NEDD4L: variants seen among roughly 807,000 people sequenced by gnomAD.
NEDD4L encodes NEDD4 like E3 ubiquitin protein ligase, also known as E3 ubiquitin-protein ligase NEDD4-like.
NEDD4L carries 54 observed loss-of-function variants against 148.9 expected under a neutral mutation model. That is an observed-to-expected ratio of 0.36 (90% CI 0.29 to 0.45). NEDD4L has a LOEUF of 0.45. Among genes scored for constraint, NEDD4L ranks in the 20% least tolerant of loss-of-function variants. The probability of loss-of-function intolerance (pLI) is 1.00; values close to 1 mark genes in which losing one functional copy is unlikely to be tolerated. For missense variants in NEDD4L, 856 were observed against 1,233.8 expected (o/e 0.69, Z 4.59); for synonymous variants, 433 against 440.7 (o/e 0.98, Z 0.22).
chr18:58,276,319 C>T (rs1182274176), intron 5 of NEDD4L, among the ~76,000 whole-genome samples: 1 of 151,762 alleles, frequency 6.6e-6, no homozygotes, highest in African/African-American at 2.4e-5. Context: ...AGTGATTCTC[C>T]TGCCTCAGCC....
intron 5 of NEDD4L, among the ~76,000 whole-genome samples, chr18:58,274,655 T>A (rs1173896971): frequency 6.6e-6 from 1 of 152,224 alleles, no homozygotes; most frequent in Non-Finnish European, 1.5e-5. Context: ...GAAGAGTTCT[T>A]AGCCTAGGCC....
intron 1 of NEDD4L, among the ~76,000 whole-genome samples, chr18:58,121,433 T>G (rs2086233455): frequency 6.7e-6 from 1 of 149,834 alleles, no homozygotes; most frequent in Non-Finnish European, 1.5e-5. Flanking sequence ...CTTTCATTCT[T>G]TTTTTTTTTG....
chr18:58,330,289 C>T (rs190912876), intron 10 of NEDD4L, among the ~76,000 whole-genome samples: 42 of 152,330 alleles, frequency 2.8e-4, no homozygotes, highest in Non-Finnish European at 4.0e-4. Context: ...GCTGCTCCCA[C>T]GGTGAATCCT....
At chr18:58,195,889 T>G (rs1268501021) in intron 2 of NEDD4L, among the ~76,000 whole-genome samples, 1 of 152,190 alleles carries the variant, frequency 6.6e-6, no homozygotes, top group Non-Finnish European at 1.5e-5. Context: ...AAAATGTCCA[T>G]TAGACATTTT....
intron 1 of NEDD4L, among the ~76,000 whole-genome samples, chr18:58,142,697 A>C (rs1308754766): frequency 6.6e-6 from 1 of 152,188 alleles, no homozygotes; most frequent in Non-Finnish European, 1.5e-5. Context: ...CTCTCTATTT[A>C]CCATTTTAAT....
intron 6 of NEDD4L, among the ~76,000 whole-genome samples, chr18:58,321,919 G>T (rs550486416): frequency 6.6e-6 from 1 of 152,318 alleles, no homozygotes; most frequent in East Asian, 1.9e-4. Context: ...CTCAGCAGAA[G>T]GTTGATCGGT....
intron 24 of NEDD4L, among the ~76,000 whole-genome samples, chr18:58,380,616 C>T (rs1016070614): frequency 6.6e-6 from 1 of 152,140 alleles, no homozygotes; most frequent in Non-Finnish European, 1.5e-5. Context: ...GATACATGTG[C>T]AGAATGTGCA....
At chr18:58,252,616 C>CAT (rs1367419784) in intron 5 of NEDD4L, among the ~76,000 whole-genome samples, 5 of 152,114 alleles carry the variant, frequency 3.3e-5, no homozygotes, top group Non-Finnish European at 7.4e-5. Context: ...ATGCCTGAGG[C>CAT]ATATAACAGA....
chr18:58,319,533 G>A (rs1568681219), intron 6 of NEDD4L, among the ~76,000 whole-genome samples: 1 of 152,148 alleles, frequency 6.6e-6, no homozygotes, highest in African/African-American at 2.4e-5. Flanking sequence ...CCTGGAACGG[G>A]GGCAGCATTG....
chr18:58,174,576 T>C (rs1320369658), intron 2 of NEDD4L, among the ~76,000 whole-genome samples: 1 of 152,202 alleles, frequency 6.6e-6, no homozygotes, highest in Non-Finnish European at 1.5e-5. Context: ...GCATCATCAA[T>C]GAATGAACAT....
intron 1 of NEDD4L, among the ~76,000 whole-genome samples, chr18:58,059,428 G>A (rs1361281251): frequency 1.3e-5 from 2 of 152,218 alleles, no homozygotes; most frequent in Non-Finnish European, 2.9e-5. Flanking sequence ...CAAAGAAGGT[G>A]TTGAAACTGC....
At chr18:58,390,398 G>C (rs2049652890) in intron 28 of NEDD4L, 1 of 375,704 alleles carries the variant, frequency 2.7e-6, no homozygotes. Context: ...CAGAGAGTTT[G>C]CTTTTTATAT....
chr18:58,178,543 C>T (rs182391691), intron 2 of NEDD4L, among the ~76,000 whole-genome samples: 1 of 152,284 alleles, frequency 6.6e-6, no homozygotes, highest in African/African-American at 2.4e-5. Flanking sequence ...AAATATTGCC[C>T]ACTTTCGCTA....
intron 4 of NEDD4L, among the ~76,000 whole-genome samples, 155 bp from the exon 5 acceptor site, chr18:58,251,846 A>C (rs913154446): frequency 3.9e-5 from 6 of 152,236 alleles, no homozygotes; most frequent in African/African-American, 1.4e-4. Context: ...AATTTGATTT[A>C]GTACACATAG....
chr18:58,088,077 C>G (rs1469058441), intron 1 of NEDD4L, among the ~76,000 whole-genome samples: 8 of 152,210 alleles, frequency 5.3e-5, no homozygotes, highest in Non-Finnish European at 1.2e-4. Flanking sequence ...GGTGCCGTTG[C>G]TGGCAGGAAG....
rs1171494578 is a variant in NEDD4L, at chr18:58,367,809, C to T, written c.2127C>T (p.Tyr709=). 13 of 1,613,734 alleles carry T rather than the reference C, an allele frequency of 8.1e-6. No homozygotes were observed. Among genetic ancestry groups the T allele is most frequent in the Non-Finnish European group, 1.1e-5 (13 of 1,179,726 alleles). ...SGLCNEDHLS[Y]FTFIGRVAGL... ...TCTGTAATGAGGATCATTTGTCCTA[C>T]TTCACTTTTATTGGAAGAGTTGCTG... Residue 709 remains tyrosine (Y), a synonymous_variant, in exon 22 of 31, where the codon TAC becomes TAT. Coordinates refer to ENST00000400345, the MANE Select transcript of NEDD4L (RefSeq NM_001144967.3).
intron 1 of NEDD4L, among the ~76,000 whole-genome samples, chr18:58,103,686 A>C (rs1218270085): frequency 6.6e-6 from 1 of 152,204 alleles, no homozygotes; most frequent in African/African-American, 2.4e-5. Context: ...ACGAAGATAA[A>C]AGTGCAGCAA....
intron 1 of NEDD4L, among the ~76,000 whole-genome samples, chr18:58,114,964 A>G (rs2085689611): frequency 1.3e-5 from 2 of 152,214 alleles, no homozygotes; most frequent in African/African-American, 4.8e-5. Context: ...AATCCAGGAT[A>G]ATCTCCCTAT....
intron 25 of NEDD4L, among the ~76,000 whole-genome samples, chr18:58,384,757 C>T (rs1475138745): frequency 6.6e-6 from 1 of 152,178 alleles, no homozygotes; most frequent in East Asian, 1.9e-4. Flanking sequence ...CCTGAGAGGC[C>T]GCACAGTGGT....
Sources: allele counts gnomAD v4.1 joint callset (sites outside exome capture counted in the v4.1 genomes callset), GRCh38; gene constraint gnomAD v4.1.1; transcripts MANE v1.5; gene names NCBI Gene and HGNC (gene_info 2026-07-23, HGNC 2026-07-21).